Variants in VAMP7 observed in about 807,000 individuals in gnomAD.
The protein encoded by VAMP7 is vesicle-associated membrane protein 7.
A neutral mutation model predicts 29.6 loss-of-function variants in VAMP7; 14 were observed. The ratio of observed to expected loss-of-function variants is 0.47; its 90% CI spans 0.31 to 0.74. The LOEUF (loss-of-function observed/expected upper bound fraction) is 0.74, where lower values mean the gene tolerates loss of function less well. Ranked by LOEUF, VAMP7 falls within the 30% of genes least tolerant of loss-of-function variation. The pLI is 0.05. For synonymous variants in VAMP7, 95 were observed against 88.1 expected (o/e 1.08, Z -0.44); for missense variants, 223 against 262.4 (o/e 0.85, Z 1.04).
At chrX:155,909,483 C>T (rs1381251957) in intron 5 of VAMP7, among the ~76,000 whole-genome samples, 1 of 151,860 alleles carries the variant, frequency 6.6e-6, no homozygotes, top group Non-Finnish European at 1.5e-5. Flanking sequence ...TTAATTTGTT[C>T]ACCCTAATAT....
At position 155,925,900 on chromosome X, in the gene VAMP7, G is replaced by A. The variant is rs374703722; in HGVS notation, c.501+6020G>A. Among the ~76,000 whole-genome samples the A allele has an allele frequency of 6.3e-4, 96 of 152,204 alleles. 5 individuals carry two copies. The South Asian group carries it at 0.016, about 26-fold the overall frequency. On this transcript the variant is annotated intron_variant, in intron 6 of 7. Transcript: ENST00000286448. ...TTTCCTTTCACACAGGCATGAAAACGACATTTATCTCCTCGTAAGTCTCCA... is the reference window on the plus strand; with the variant it reads ...TTTCCTTTCACACAGGCATGAAAACAACATTTATCTCCTCGTAAGTCTCCA...
intron 5 of VAMP7, among the ~76,000 whole-genome samples, chrX:155,905,598 A>G (rs1053103393): frequency 3.3e-5 from 5 of 152,178 alleles, no homozygotes; most frequent in African/African-American, 1.2e-4. Flanking sequence ...TAAAGAAGAG[A>G]TCCAACTTAA....
At chrX:155,939,940 A>G in intron 7 of VAMP7, 147 bp downstream of exon 7, 1 of 679,504 alleles carries the variant, frequency 1.5e-6, no homozygotes, top group Non-Finnish European at 2.6e-6. Flanking sequence ...TGGCTTTCCT[A>G]TGAAGTCACT....
intron 6 of VAMP7, among the ~76,000 whole-genome samples, chrX:155,934,299 G>C (rs1459612537): frequency 1.3e-5 from 2 of 152,270 alleles, no homozygotes; most frequent in East Asian, 3.9e-4. Context: ...TGACAGTGGG[G>C]TGTTAAAGTC....
intron 5 of VAMP7, among the ~76,000 whole-genome samples, chrX:155,909,424 C>T: frequency 6.6e-6 from 1 of 152,040 alleles, no homozygotes; most frequent in Non-Finnish European, 1.5e-5. Flanking sequence ...TCTAAAGAAC[C>T]AACTTCTGGT....
At chrX:155,936,237 G>T (rs993150598) in intron 6 of VAMP7, among the ~76,000 whole-genome samples, 13 of 152,120 alleles carry the variant, frequency 8.5e-5, no homozygotes, top group Non-Finnish European at 1.5e-4. Context: ...GTCAGACAGG[G>T]ACATTTAAGT....
intron 1 of VAMP7, among the ~76,000 whole-genome samples, chrX:155,884,797 C>T (rs2065847073): frequency 6.6e-6 from 1 of 152,200 alleles, no homozygotes. Context: ...AACACATGGA[C>T]TTGGCCTTTC....
Position 155,895,663 on chromosome X carries a change from C to T in VAMP7, c.187C>T (p.Leu63Phe), listed in dbSNP as rs1270722806. The T allele has an allele frequency of 6.2e-7, 1 of 1,609,708 alleles. No individual in the cohort carries two copies. The highest frequency in any genetic ancestry group is 2.2e-5 in the East Asian group (1 of 44,830). The change falls in exon 3 of 8, where the codon CTT (leucine) becomes TTT (phenylalanine). Residue 63 changes from leucine to phenylalanine, a missense_variant. Coordinates refer to ENST00000286448, the MANE Select transcript of VAMP7 (RefSeq NM_005638.6). Reference protein sequence around the residue: ...HYICQDRIVYLCITDDDFERS... With the variant: ...HYICQDRIVYFCITDDDFERS... Reference sequence around the variant, plus strand: ...CATCTGCCAAGACAGGATTGTATATCTTTGTATCACTGATGATGTAAGTAA... The same window carrying T: ...CATCTGCCAAGACAGGATTGTATATTTTTGTATCACTGATGATGTAAGTAA...
At chrX:155,886,144 TA>T (rs1444594702) in intron 1 of VAMP7, among the ~76,000 whole-genome samples, 4 of 152,196 alleles carry the variant, frequency 2.6e-5, no homozygotes, top group Non-Finnish European at 5.9e-5. Context: ...ATCTTATCTT[TA>T]TATAGCACTT....
At chrX:155,916,188 T>C (rs2066310192) in intron 5 of VAMP7, among the ~76,000 whole-genome samples, 1 of 152,202 alleles carries the variant, frequency 6.6e-6, no homozygotes, top group South Asian at 2.1e-4. Flanking sequence ...CACTGCTTTT[T>C]TTTGCTTTCC....
intron 5 of VAMP7, among the ~76,000 whole-genome samples, chrX:155,914,729 A>G (rs1444825989): frequency 2.6e-5 from 4 of 152,136 alleles, no homozygotes; most frequent in East Asian, 1.9e-4. Context: ...ATCGTGGTGG[A>G]TAAGCTTTTT....
intron 6 of VAMP7, among the ~76,000 whole-genome samples, chrX:155,923,310 T>TTCTGCC (rs1199747447): frequency 2.0e-5 from 3 of 152,052 alleles, no homozygotes; most frequent in African/African-American, 7.2e-5. Flanking sequence ...GTTATTTTCT[T>TTCTGCC]TCTGCCTGTA....
At chrX:155,888,149 G>A (rs1311457987) in intron 1 of VAMP7, among the ~76,000 whole-genome samples, 2 of 152,072 alleles carry the variant, frequency 1.3e-5, no homozygotes, top group South Asian at 4.2e-4. Context: ...TCCCCAAAAG[G>A]CATTCAGCCC....
chrX:155,942,981 T>C lies in VAMP7; in HGVS notation c.*1030T>C, dbSNP rs1169902381. The C allele has an allele frequency of 1.3e-5, 2 of 151,796 alleles. No individual in the cohort carries two copies. Among genetic ancestry groups the C allele is most frequent in the Non-Finnish European group, 2.9e-5 (2 of 67,986 alleles). The allele number at this position is 151,796 out of a possible 1,614,324, so 9.4% of individuals were successfully genotyped here. ...GCATTCTTTGTGGTTAAATAAATTC[T>C]TAAATCTGCCTAGTTTTGATGAATT... On this transcript the variant is annotated 3_prime_UTR_variant, in exon 8 of 8. Transcript: ENST00000286448.
chrX:155,937,744 G>C (rs773012021), intron 6 of VAMP7, among the ~76,000 whole-genome samples: 3 of 152,090 alleles, frequency 2.0e-5, no homozygotes, highest in Non-Finnish European at 4.4e-5. Context: ...CTTGATTATT[G>C]ATCCTTCTCT....
chrX:155,913,154 A>G (rs4893055), intron 5 of VAMP7, among the ~76,000 whole-genome samples: 98,442 of 151,938 alleles, frequency 0.65, 32,349 homozygotes, highest in African/African-American at 0.77. Context: ...TCATATGTTT[A>G]TTGGCCACAT....
At chrX:155,891,017 C>G (rs1419380809) in intron 2 of VAMP7, among the ~76,000 whole-genome samples, 2 of 152,174 alleles carry the variant, frequency 1.3e-5, no homozygotes, top group Non-Finnish European at 2.9e-5. Context: ...GTGCTTTCCA[C>G]TTCTGGCCAA....
chrX:155,921,788 T>C (rs2066399517), intron 6 of VAMP7, among the ~76,000 whole-genome samples: 1 of 152,064 alleles, frequency 6.6e-6, no homozygotes, highest in African/African-American at 2.4e-5. Context: ...TCTTCACTCT[T>C]TTAGGTGCTT....
intron 1 of VAMP7, among the ~76,000 whole-genome samples, chrX:155,888,469 G>A (rs780982895): frequency 6.6e-6 from 1 of 152,254 alleles, no homozygotes; most frequent in South Asian, 2.1e-4. Context: ...CTGGTATGTT[G>A]GGTACTGAGC....
Sources: gnomAD v4.1 joint callset for allele counts (sites outside exome capture counted in the v4.1 genomes callset) on GRCh38, gnomAD v4.1.1 for gene constraint, MANE v1.5 for transcripts, NCBI Gene and HGNC (gene_info 2026-07-23, HGNC 2026-07-21) for gene names.